The following SSBP3 variants were observed in gnomAD, a reference collection of about 807,000 sequenced individuals.
The protein encoded by SSBP3 is single stranded DNA binding protein 3.
Under a neutral mutation model 69.6 loss-of-function variants are expected in SSBP3, and 5 were observed. The observed-to-expected ratio is 0.07, with a 90% CI of 0.04 to 0.15. SSBP3 has a LOEUF of 0.15. Ranked by LOEUF, SSBP3 falls within the 10% of genes least tolerant of loss-of-function variation. The pLI is 1.00. For missense variants in SSBP3, 312 were observed against 534.0 expected, an observed-to-expected ratio of 0.58 and a Z score of 4.10; for synonymous variants, 196 against 193.4, an observed-to-expected ratio of 1.01 and a Z score of -0.11.
chr1:54,254,194 T>C (rs1451423511), intron 7 of SSBP3, among the ~76,000 whole-genome samples: 1 of 152,248 alleles, frequency 6.6e-6, no homozygotes, highest in Non-Finnish European at 1.5e-5. Flanking sequence ...CTGGGGCTTC[T>C]GGACGGAGGC....
chr1:54,337,573 C>T (rs1266989855), intron 4 of SSBP3, among the ~76,000 whole-genome samples: 1 of 138,096 alleles, frequency 7.2e-6, no homozygotes, highest in Non-Finnish European at 1.5e-5. Context: ...TCTCCGCTCA[C>T]TGCAACCTCC....
At chr1:54,243,427 TAC>T (rs1425151885) in intron 9 of SSBP3, 128 bp from the exon 10 acceptor site, 34 of 1,203,076 alleles carry the variant, frequency 2.8e-5, no homozygotes, top group Non-Finnish European at 3.9e-5. Flanking sequence ...GAAAAAATAA[TAC>T]ATTCTTTCAA....
Position 54,322,471 on chromosome 1 carries a change from TCCGGGATCTA to T in SSBP3, c.277-40954_277-40945del, listed in dbSNP as rs1646230791. Among the ~76,000 whole-genome samples, 4 of 151,996 alleles carry T rather than the reference TCCGGGATCTA, an allele frequency of 2.6e-5. No individual in the cohort carries two copies. The South Asian group carries it at 8.3e-4, about 32-fold the overall frequency. On this transcript the variant is annotated intron_variant, in intron 4 of 17. Coordinates refer to ENST00000610401, the Ensembl canonical transcript of SSBP3. Reference sequence around the variant, plus strand: ...GTTCTTGGGCCAGGAGGCAATCCCCTCCGGGATCTAGGATATAGCTCATTCTTACTGCCAC... The same window carrying T: ...GTTCTTGGGCCAGGAGGCAATCCCCTGGATATAGCTCATTCTTACTGCCAC...
chr1:54,238,139 C>T (rs984388984), intron 14 of SSBP3: 1 of 470,862 alleles, frequency 2.1e-6, no homozygotes, highest in African/African-American at 2.0e-5. Context: ...GGAGGCAGGC[C>T]AGAAACCATC....
chr1:54,258,152 G>A lies in SSBP3; in HGVS notation c.367-3C>T. On this transcript the variant is annotated splice_region_variant and splice_polypyrimidine_tract_variant and intron_variant, in intron 5 of 17. Coordinates refer to ENST00000610401, the Ensembl canonical transcript of SSBP3. This position sits in a 1 kb window ranked among gnomAD's most constrained non-coding sequence, Gnocchi z 4.5. ...GAGGGCTGTGACCCCGGAGGACCCT[G>A]TGAGGCCAGACAGTAGAGGCAGGTT... 6.3e-7 allele frequency: 1 copy of A among 1,586,546 alleles called. No individual in the cohort carries two copies.
intron 4 of SSBP3, among the ~76,000 whole-genome samples, chr1:54,299,013 C>T (rs899460173): frequency 1.3e-5 from 2 of 150,812 alleles, no homozygotes; most frequent in African/African-American, 4.9e-5. Context: ...GAGATACAAA[C>T]ACTCACAAGG....
At chr1:54,227,150 C>T in exon 18 of SSBP3, 7 of 1,540,962 alleles carry the variant, frequency 4.5e-6, no homozygotes, top group Non-Finnish European at 6.2e-6. Flanking sequence ...CATCGTCATG[C>T]TTGGAGAATA....
At chr1:54,323,413 G>A (rs1646248908) in intron 4 of SSBP3, among the ~76,000 whole-genome samples, 1 of 152,188 alleles carries the variant, frequency 6.6e-6, no homozygotes, top group Non-Finnish European at 1.5e-5. Context: ...GTCAGGCCCT[G>A]GAAACCAGTT....
chr1:54,233,417 C>T (rs1426904369), intron 14 of SSBP3, among the ~76,000 whole-genome samples: 98 of 147,984 alleles, frequency 6.6e-4, no homozygotes, highest in Middle Eastern at 3.7e-3. Flanking sequence ...GGAGCCTCTC[C>T]GCCCGGCAGC....
chr1:54,405,576 C>T (rs1649670317), intron 1 of SSBP3: 1 of 153,096 alleles, frequency 6.5e-6, no homozygotes, highest in African/African-American at 2.4e-5. Context: ...GCCCCCTGCC[C>T]GCACCCGGTG....
intron 4 of SSBP3, among the ~76,000 whole-genome samples, chr1:54,354,998 G>C (rs566003295): frequency 6.6e-6 from 1 of 152,170 alleles, no homozygotes; most frequent in South Asian, 2.1e-4. Context: ...TACTGCCCTC[G>C]ACACAAGGTC....
intron 14 of SSBP3, among the ~76,000 whole-genome samples, chr1:54,229,964 G>T (rs1372709677): frequency 6.6e-6 from 1 of 152,244 alleles, no homozygotes; most frequent in African/African-American, 2.4e-5. Context: ...AGAACCGGCT[G>T]CCTGGAGGAG....
intron 5 of SSBP3, among the ~76,000 whole-genome samples, chr1:54,268,978 C>T (rs1262834939): frequency 6.6e-6 from 1 of 152,170 alleles, no homozygotes; most frequent in African/African-American, 2.4e-5. Flanking sequence ...CCCTACCTGC[C>T]TCACAGAGAA....
intron 4 of SSBP3, among the ~76,000 whole-genome samples, chr1:54,372,210 G>A (rs1009300223): frequency 7.9e-5 from 12 of 152,172 alleles, no homozygotes; most frequent in Non-Finnish European, 1.3e-4. Flanking sequence ...ACTGCAAAAT[G>A]GGGTAATACC....
chr1:54,337,485 C>CTTTTTTTTTTTTTTTTTTTTTT lies in SSBP3; in HGVS notation c.277-55980_277-55959dup, dbSNP rs869039822. Among the ~76,000 whole-genome samples, 18 of 51,166 alleles carry CTTTTTTTTTTTTTTTTTTTTTT rather than the reference C, an allele frequency of 3.5e-4. 4 individuals carry two copies. Among genetic ancestry groups the CTTTTTTTTTTTTTTTTTTTTTT allele is most frequent in the African/African-American group, 1.3e-3 (13 of 10,178 alleles). 33.6% of individuals were successfully genotyped at this position (51,166 alleles called of 152,430 possible). A position where few individuals can be genotyped will look rare whatever the true frequency, so the allele number is the denominator to read the frequency against. On this transcript the variant is annotated intron_variant, in intron 4 of 17. Coordinates refer to ENST00000610401, the Ensembl canonical transcript of SSBP3. Reference sequence around the variant, plus strand: ...ACCAAAGCATTTTGTTTTCCTCAAGCTTTTTTTTTTTTTTTTTTTTTTTTT... The same window carrying CTTTTTTTTTTTTTTTTTTTTTT: ...ACCAAAGCATTTTGTTTTCCTCAAGCTTTTTTTTTTTTTTTTTTTTTTTTTTTTTTTTTTTTTTTTTTTTTTT...
chr1:54,371,710 T>C (rs1481164567), intron 4 of SSBP3, among the ~76,000 whole-genome samples: 1 of 152,226 alleles, frequency 6.6e-6, no homozygotes, highest in African/African-American at 2.4e-5. Flanking sequence ...GTACAGGGAC[T>C]GTGCATGTGC....
At chr1:54,313,542 C>G (rs1163578653) in intron 4 of SSBP3, among the ~76,000 whole-genome samples, 1 of 151,240 alleles carries the variant, frequency 6.6e-6, no homozygotes, top group Non-Finnish European at 1.5e-5. Context: ...CCACCTCAGC[C>G]TCCCGAGTAG....
chr1:54,323,442 G>A (rs924101619), intron 4 of SSBP3, among the ~76,000 whole-genome samples: 50 of 152,302 alleles, frequency 3.3e-4, no homozygotes, highest in African/African-American at 1.1e-3. Context: ...AGGGCAGGAC[G>A]CCAGGCGTCC....
At chr1:54,387,097 T>C (rs772139807) in intron 4 of SSBP3, among the ~76,000 whole-genome samples, 13 of 152,198 alleles carry the variant, frequency 8.5e-5, no homozygotes, top group Non-Finnish European at 1.3e-4. Flanking sequence ...GATGCCAGTG[T>C]ATGAGAAGAC....
Sources: allele counts gnomAD v4.1 joint callset (sites outside exome capture counted in the v4.1 genomes callset), GRCh38; gene constraint gnomAD v4.1.1; non-coding constraint Gnocchi (gnomAD v3.1); transcripts MANE v1.5; gene names NCBI Gene and HGNC (gene_info 2026-07-23, HGNC 2026-07-21).